XKR9: variants seen among roughly 807,000 people sequenced by gnomAD.
XKR9 encodes XK-related protein 9.
XKR9 carries 32 observed loss-of-function variants against 32.0 expected under a neutral mutation model. The observed-to-expected ratio is 1.00, with a 90% CI of 0.76 to 1.34. The LOEUF (loss-of-function observed/expected upper bound fraction) is 1.34, where lower values mean the gene tolerates loss of function less well. XKR9 is among the 40% of genes most tolerant of loss of function. XKR9 has a pLI of 0.00. For missense variants in XKR9, 546 were observed against 429.7 expected (o/e 1.27, Z -2.39); for synonymous variants, 168 against 143.4 (o/e 1.17, Z -1.22).
At chr8:70,710,164 A>G (rs900333458) in intron 4 of XKR9, among the ~76,000 whole-genome samples, 1 of 152,156 alleles carries the variant, frequency 6.6e-6, no homozygotes, top group African/African-American at 2.4e-5. Flanking sequence ...GATCTTCGAC[A>G]GAGTCGACAG....
At chr8:70,814,277 C>T in the XKR9 span, among the ~76,000 whole-genome samples, 2 of 152,006 alleles carry the variant, frequency 1.3e-5, no homozygotes, top group South Asian at 4.2e-4. Flanking sequence ...GAACATCACA[C>T]TCTGGTGACT....
At chr8:70,757,814 T>G (rs562415014) in intron 2 of XKR9, among the ~76,000 whole-genome samples, 3 of 152,288 alleles carry the variant, frequency 2.0e-5, no homozygotes, top group Admixed American at 6.5e-5. Context: ...CTCGAACTCC[T>G]TACCTCAGGT....
At chr8:70,951,079 A>G in the XKR9 span, among the ~76,000 whole-genome samples, 2 of 152,092 alleles carry the variant, frequency 1.3e-5, no homozygotes, top group Non-Finnish European at 2.9e-5. Context: ...CTTTTATTGC[A>G]GCTTTTAGTG....
chr8:70,683,324 T>C (rs1223561535), intron 3 of XKR9, among the ~76,000 whole-genome samples: 1 of 152,214 alleles, frequency 6.6e-6, no homozygotes, highest in Non-Finnish European at 1.5e-5. Context: ...TATATTTATA[T>C]TGTTGTCATT....
chr8:70,721,957 C>A (rs918883436), intron 4 of XKR9, among the ~76,000 whole-genome samples: 14 of 152,234 alleles, frequency 9.2e-5, no homozygotes, highest in Middle Eastern at 3.4e-3. Flanking sequence ...TCTCTAAGAA[C>A]TTGCTTTATG....
the XKR9 span, among the ~76,000 whole-genome samples, chr8:70,925,443 G>A: frequency 1.3e-5 from 2 of 152,226 alleles, no homozygotes; most frequent in African/African-American, 2.4e-5. Flanking sequence ...CTCTATTTTC[G>A]AGATGATAAA....
chr8:70,944,516 C>G, the XKR9 span, among the ~76,000 whole-genome samples: 1 of 152,308 alleles, frequency 6.6e-6, no homozygotes. Flanking sequence ...TAGGGATCAT[C>G]TCTACAAATA....
intron 3 of XKR9, among the ~76,000 whole-genome samples, chr8:70,688,971 A>C (rs942005151): frequency 6.6e-6 from 1 of 152,176 alleles, no homozygotes. Flanking sequence ...CATGACTCCA[A>C]ATCCAGAAGC....
At chr8:70,791,096 T>A (rs62508807), downstream of XKR9, among the ~76,000 whole-genome samples, 2 of 151,980 alleles carry the variant, frequency 1.3e-5, no homozygotes, top group Non-Finnish European at 1.5e-5. Flanking sequence ...GGGTGAGATA[T>A]AAACATTCAG....
chr8:70,939,902 A>G, the XKR9 span, among the ~76,000 whole-genome samples: 1 of 152,132 alleles, frequency 6.6e-6, no homozygotes. Context: ...TGTATATATT[A>G]ATTTGTTTAA....
At chr8:70,732,108 C>T (rs1383028188) in intron 4 of XKR9, among the ~76,000 whole-genome samples, 1 of 152,048 alleles carries the variant, frequency 6.6e-6, no homozygotes, top group Non-Finnish European at 1.5e-5. Flanking sequence ...AACCAAGACC[C>T]CCGAAGGAGC....
At chr8:70,853,451 T>C in the XKR9 span, among the ~76,000 whole-genome samples, 1 of 151,604 alleles carries the variant, frequency 6.6e-6, no homozygotes, top group Non-Finnish European at 1.5e-5. Flanking sequence ...TCATAAAAGC[T>C]AAAACTAAAC....
intron 3 of XKR9, among the ~76,000 whole-genome samples, chr8:70,700,253 G>A (rs1805470022): frequency 6.6e-6 from 1 of 152,138 alleles, no homozygotes; most frequent in Admixed American, 6.5e-5. Flanking sequence ...AGGAGGACAG[G>A]TGCTCTGCTT....
At chr8:70,857,620 C>T in the XKR9 span, among the ~76,000 whole-genome samples, 20 of 152,132 alleles carry the variant, frequency 1.3e-4, no homozygotes, top group Admixed American at 7.9e-4. Context: ...TTTCATGAGG[C>T]AAGCATCATC....
chr8:70,730,617 G>C (rs963477170), intron 4 of XKR9, among the ~76,000 whole-genome samples: 3 of 152,070 alleles, frequency 2.0e-5, no homozygotes, highest in Non-Finnish European at 4.4e-5. Flanking sequence ...CCCAAGGGTA[G>C]TTCAGAGAAA....
At chr8:70,908,049 T>C in the XKR9 span, among the ~76,000 whole-genome samples, 112 of 152,328 alleles carry the variant, frequency 7.4e-4, 1 homozygote, top group African/African-American at 2.6e-3. Flanking sequence ...TGGAGTCTTG[T>C]TCAAGTTAAA....
the XKR9 span, among the ~76,000 whole-genome samples, chr8:70,796,703 G>T: frequency 4.6e-5 from 7 of 152,224 alleles, no homozygotes; most frequent in East Asian, 1.2e-3. Context: ...AATGTCAATA[G>T]AATACCAGCT....
intron 2 of XKR9, among the ~76,000 whole-genome samples, chr8:70,774,409 C>T (rs1807493105): frequency 6.6e-6 from 1 of 152,104 alleles, no homozygotes; most frequent in Non-Finnish European, 1.5e-5. Flanking sequence ...TCTAGAGACA[C>T]TGGAATTACA....
chr8:70,965,787 T>A, the XKR9 span, among the ~76,000 whole-genome samples: 1 of 152,178 alleles, frequency 6.6e-6, no homozygotes, highest in Non-Finnish European at 1.5e-5. Flanking sequence ...TTCTGTGGGG[T>A]CAGTGATATT....
Sources: allele counts gnomAD v4.1 joint callset (sites outside exome capture counted in the v4.1 genomes callset), GRCh38; gene constraint gnomAD v4.1.1; transcripts MANE v1.5; gene names NCBI Gene and HGNC (gene_info 2026-07-23, HGNC 2026-07-21).